PPM1L: variants seen among roughly 807,000 people sequenced by gnomAD.
The protein encoded by PPM1L is protein phosphatase 1L.
Under a neutral mutation model 31.4 loss-of-function variants are expected in PPM1L, and 13 were observed. The ratio of observed to expected loss-of-function variants is 0.41; its 90% CI spans 0.27 to 0.66. PPM1L has a LOEUF of 0.66. PPM1L is among the 30% of genes least tolerant of loss of function. The pLI is 0.29. For missense variants in PPM1L, 326 were observed against 453.7 expected, an observed-to-expected ratio of 0.72 and a Z score of 2.56; for synonymous variants, 184 against 175.4, an observed-to-expected ratio of 1.05 and a Z score of -0.39.
At chr3:160,859,501 T>C (rs913273080) in intron 1 of PPM1L, among the ~76,000 whole-genome samples, 6 of 152,220 alleles carry the variant, frequency 3.9e-5, no homozygotes, top group Admixed American at 3.3e-4. Context: ...GTATTTCTCA[T>C]AGGAGTTGTC....
At chr3:160,986,627 C>G (rs1716975247) in intron 2 of PPM1L, among the ~76,000 whole-genome samples, 1 of 152,124 alleles carries the variant, frequency 6.6e-6, no homozygotes, top group Non-Finnish European at 1.5e-5. Flanking sequence ...GCAGCATGTT[C>G]TTTGGTTACT....
chr3:160,968,803 G>A (rs1290263561), intron 2 of PPM1L, among the ~76,000 whole-genome samples: 2 of 152,176 alleles, frequency 1.3e-5, no homozygotes, highest in Non-Finnish European at 2.9e-5. Context: ...GAGTACACCT[G>A]CAATGGGTAG....
chr3:160,878,609 C>T (rs1025794517), intron 1 of PPM1L, among the ~76,000 whole-genome samples: 6 of 152,184 alleles, frequency 3.9e-5, no homozygotes, highest in Non-Finnish European at 5.9e-5. Flanking sequence ...CAGATACCAT[C>T]ACACTGAGAG....
intron 1 of PPM1L, among the ~76,000 whole-genome samples, chr3:160,791,551 C>G (rs1192955907): frequency 2.6e-5 from 4 of 152,082 alleles, no homozygotes; most frequent in African/African-American, 9.7e-5. Flanking sequence ...TGAGCACTTG[C>G]TGTGTGACAG....
rs538685678 is a variant in PPM1L at position 160,959,589 on chromosome 3, G to A, written c.400-2147G>A. On this transcript the variant is annotated intron_variant, in intron 1 of 3. Coordinates refer to ENST00000498165, the MANE Select transcript of PPM1L (RefSeq NM_139245.4). ...TCACGCCTGTAATCTCAGCTTTTTC[G>A]GAGGCTGAGGCGGGTGCATCACCTG... 7.9e-5 allele frequency among the ~76,000 whole-genome samples: 12 copies of A among 152,236 alleles called. No individual in the cohort carries two copies. The South Asian group carries it at 2.3e-3, about 29-fold the overall frequency.
At chr3:160,861,859 T>C (rs981748037) in intron 1 of PPM1L, among the ~76,000 whole-genome samples, 6 of 152,322 alleles carry the variant, frequency 3.9e-5, no homozygotes, top group Admixed American at 1.3e-4. Flanking sequence ...TGTAGCCACC[T>C]TCTAGCAATG....
chr3:160,788,635 A>T (rs1712008296), intron 1 of PPM1L, among the ~76,000 whole-genome samples: 2 of 152,054 alleles, frequency 1.3e-5, no homozygotes, highest in Middle Eastern at 3.2e-3. Flanking sequence ...TTTACTTAGA[A>T]ATAACTTTCA....
At chr3:160,980,765 A>T (rs1164044975) in intron 2 of PPM1L, among the ~76,000 whole-genome samples, 1 of 144,700 alleles carries the variant, frequency 6.9e-6, no homozygotes, top group South Asian at 2.4e-4. Flanking sequence ...AGAAGGAAAG[A>T]CGGAAAGAAA....
intron 1 of PPM1L, among the ~76,000 whole-genome samples, chr3:160,850,884 T>TGGG (rs397991501): frequency 5.3e-4 from 73 of 137,624 alleles, no homozygotes; most frequent in East Asian, 1.9e-3. Flanking sequence ...TTTTTTTTGG[T>TGGG]GGGGGGGGGG....
At chr3:160,792,293 G>A (rs1377663427) in intron 1 of PPM1L, among the ~76,000 whole-genome samples, 1 of 152,098 alleles carries the variant, frequency 6.6e-6, no homozygotes, top group African/African-American at 2.4e-5. Flanking sequence ...CTTTGGAATT[G>A]TGGTATAATA....
intron 1 of PPM1L, among the ~76,000 whole-genome samples, chr3:160,883,674 A>G (rs913670200): frequency 3.0e-4 from 45 of 151,942 alleles, no homozygotes; most frequent in African/African-American, 1.1e-3. Flanking sequence ...GGCACAGGAC[A>G]TGGGGCGAGG....
intron 1 of PPM1L, among the ~76,000 whole-genome samples, chr3:160,903,193 G>GTGTGT (rs1553819620): frequency 3.8e-4 from 47 of 124,152 alleles, no homozygotes; most frequent in East Asian, 1.9e-3. Flanking sequence ...GTGTGTGTGT[G>GTGTGT]GTATGTGTGT....
chr3:160,836,435 G>A (rs895110037), intron 1 of PPM1L, among the ~76,000 whole-genome samples: 1 of 152,164 alleles, frequency 6.6e-6, no homozygotes, highest in African/African-American at 2.4e-5. Flanking sequence ...TGGCTCTCTA[G>A]CAAGAAGGCT....
chr3:160,887,830 G>A (rs916204358), intron 1 of PPM1L, among the ~76,000 whole-genome samples: 1 of 151,826 alleles, frequency 6.6e-6, no homozygotes, highest in African/African-American at 2.4e-5. Context: ...TGATCTGCCC[G>A]CCTCCTAAAG....
intron 1 of PPM1L, among the ~76,000 whole-genome samples, chr3:160,917,176 G>C (rs986667354): frequency 6.6e-6 from 1 of 152,196 alleles, no homozygotes; most frequent in Non-Finnish European, 1.5e-5. Flanking sequence ...TTACATGATA[G>C]TATTTGGTTC....
chr3:160,968,027 A>G (rs1289036939), intron 2 of PPM1L, among the ~76,000 whole-genome samples: 2 of 151,990 alleles, frequency 1.3e-5, no homozygotes, highest in Non-Finnish European at 2.9e-5. Context: ...TTACACAGCC[A>G]CATAATTTGT....
At chr3:160,953,917 T>C (rs1394269684) in intron 1 of PPM1L, among the ~76,000 whole-genome samples, 2 of 152,378 alleles carry the variant, frequency 1.3e-5, no homozygotes, top group Non-Finnish European at 2.9e-5. Flanking sequence ...TTCCCATCTG[T>C]TGGGAAGCTT....
intron 1 of PPM1L, among the ~76,000 whole-genome samples, chr3:160,948,043 C>T (rs1715464159): frequency 6.6e-6 from 1 of 151,998 alleles, no homozygotes; most frequent in Non-Finnish European, 1.5e-5. Flanking sequence ...TATAAATAAC[C>T]ATTTATCTCT....
chr3:161,045,917 C>A (rs375223107), intron 2 of PPM1L, among the ~76,000 whole-genome samples: 2 of 151,760 alleles, frequency 1.3e-5, no homozygotes, highest in East Asian at 3.9e-4. Context: ...CGAGACCGTC[C>A]TGGCTAACAC....
Sources: gnomAD v4.1 joint callset for allele counts (sites outside exome capture counted in the v4.1 genomes callset) on GRCh38, gnomAD v4.1.1 for gene constraint, MANE v1.5 for transcripts, NCBI Gene and HGNC (gene_info 2026-07-23, HGNC 2026-07-21) for gene names.